The following CAST variants were observed in gnomAD, a reference collection of about 807,000 sequenced individuals.
CAST encodes the protein calpastatin.
In CAST, 76 loss-of-function variants were observed where a neutral mutation model predicts 119.6. That is an observed-to-expected ratio of 0.64 (90% CI 0.53 to 0.77). CAST has a LOEUF of 0.77. Ranked by LOEUF, CAST falls within the 30% of genes least tolerant of loss-of-function variation. The probability of loss-of-function intolerance (pLI) is 0.00; values close to 1 mark genes in which losing one functional copy is unlikely to be tolerated. For missense variants in CAST, 953 were observed against 946.5 expected, an observed-to-expected ratio of 1.01 and a Z score of -0.09; for synonymous variants, 319 against 331.6, an observed-to-expected ratio of 0.96 and a Z score of 0.41.
the CAST span, among the ~76,000 whole-genome samples, chr5:96,352,011 G>A: frequency 3.9e-5 from 6 of 152,212 alleles, no homozygotes; most frequent in South Asian, 1.2e-3. Context: ...CCTCTAGAGT[G>A]TACCTCACCA....
the CAST span, among the ~76,000 whole-genome samples, chr5:96,228,676 T>C: frequency 6.6e-6 from 1 of 152,214 alleles, no homozygotes; most frequent in African/African-American, 2.4e-5. Context: ...ATTGAAAGCC[T>C]TGATTTAACA....
At chr5:96,139,697 T>G in the CAST span, among the ~76,000 whole-genome samples, 1 of 151,876 alleles carries the variant, frequency 6.6e-6, no homozygotes, top group African/African-American at 2.4e-5. Context: ...GGCCAGGATA[T>G]AGCTCCATTT....
the CAST span, among the ~76,000 whole-genome samples, chr5:96,219,273 T>C: frequency 2.6e-5 from 4 of 152,218 alleles, no homozygotes; most frequent in African/African-American, 9.6e-5. Context: ...CTTATTTTTC[T>C]TCCCCATCTA....
intron 29 of CAST, 76 bp downstream of exon 29, chr5:96,768,075 T>C (rs1395879869): frequency 1.0e-6 from 1 of 952,714 alleles, no homozygotes; most frequent in East Asian, 2.5e-5. Context: ...TTTTATTTAT[T>C]GATTGATCTA....
chr5:96,014,763 C>A, the CAST span, among the ~76,000 whole-genome samples: 1 of 152,086 alleles, frequency 6.6e-6, no homozygotes, highest in Non-Finnish European at 1.5e-5. Flanking sequence ...GAGATGTATG[C>A]AGATGGGATT....
the CAST span, among the ~76,000 whole-genome samples, chr5:96,013,521 G>A: frequency 7.2e-5 from 11 of 151,782 alleles, no homozygotes; most frequent in East Asian, 9.7e-4. Flanking sequence ...TCTATCTTTC[G>A]CCATGATGTG....
intron 1 of CAST, among the ~76,000 whole-genome samples, chr5:96,639,313 G>T (rs183603372): frequency 6.6e-6 from 1 of 152,308 alleles, no homozygotes; most frequent in East Asian, 1.9e-4. Context: ...AGGATTCCAA[G>T]ATGGACTTCT....
chr5:96,064,169 T>TGGTA, the CAST span, among the ~76,000 whole-genome samples: 2 of 152,156 alleles, frequency 1.3e-5, no homozygotes, highest in Non-Finnish European at 2.9e-5. Flanking sequence ...AAGAGGTAAA[T>TGGTA]GGTAGCAAAG....
At chr5:96,203,369 A>T in the CAST span, among the ~76,000 whole-genome samples, 1 of 151,994 alleles carries the variant, frequency 6.6e-6, no homozygotes, top group East Asian at 1.9e-4. Flanking sequence ...AGCTTAGTTA[A>T]GTCTGTGGAT....
chr5:96,697,184 A>G (rs1753403823), intron 3 of CAST, among the ~76,000 whole-genome samples: 1 of 152,210 alleles, frequency 6.6e-6, no homozygotes, highest in African/African-American at 2.4e-5. Context: ...AGAAAAAAAA[A>G]GTTGTTACAT....
chr5:96,570,251 A>T (rs1357107362), intron 1 of CAST, among the ~76,000 whole-genome samples: 1 of 152,246 alleles, frequency 6.6e-6, no homozygotes, highest in Admixed American at 6.5e-5. Context: ...AAAGATTTAT[A>T]AAATGAGTTT....
chr5:96,232,914 A>T, the CAST span, among the ~76,000 whole-genome samples: 1 of 152,140 alleles, frequency 6.6e-6, no homozygotes, highest in Non-Finnish European at 1.5e-5. Context: ...CAAAGTGTAT[A>T]GCAATTCTAC....
At chr5:96,327,768 A>C in the CAST span, among the ~76,000 whole-genome samples, 1 of 152,204 alleles carries the variant, frequency 6.6e-6, no homozygotes, top group African/African-American at 2.4e-5. Flanking sequence ...AGAGCGATTC[A>C]ACAACTCACT....
chr5:96,381,678 T>C, the CAST span, among the ~76,000 whole-genome samples: 103 of 152,328 alleles, frequency 6.8e-4, 2 homozygotes, highest in East Asian at 0.018. Context: ...TGAGGTGCGC[T>C]GGTGAGTGCA....
intron 3 of CAST, among the ~76,000 whole-genome samples, chr5:96,719,722 T>C (rs1334172829): frequency 2.0e-5 from 3 of 152,238 alleles, no homozygotes; most frequent in Non-Finnish European, 2.9e-5. Context: ...ATGGTTGTGC[T>C]TTAAAATTGG....
At chr5:96,649,619 T>C (rs1400482940) in intron 1 of CAST, among the ~76,000 whole-genome samples, 1 of 152,226 alleles carries the variant, frequency 6.6e-6, no homozygotes, top group African/African-American at 2.4e-5. Flanking sequence ...ATAAGTCTGT[T>C]GAAAGAGTCA....
intron 1 of CAST, among the ~76,000 whole-genome samples, chr5:96,541,466 C>G (rs1483824857): frequency 6.6e-6 from 1 of 152,130 alleles, no homozygotes; most frequent in Admixed American, 6.5e-5. Flanking sequence ...CCCTGACCTC[C>G]TAAATGATGT....
rs142960971 is a variant in CAST at position 96,751,952 on chromosome 5, C to A, written c.1524+1270C>A. Reference sequence around the variant, plus strand: ...ACCCCACCAACTCTGGCCATGGTTGCCCAGGTTACTGTCACTGAGGCAGTT... The same window carrying A: ...ACCCCACCAACTCTGGCCATGGTTGACCAGGTTACTGTCACTGAGGCAGTT... On this transcript the variant is annotated intron_variant, in intron 20 of 31. Transcript: ENST00000675179. 3.6e-3 allele frequency among the ~76,000 whole-genome samples: 550 copies of A among 152,282 alleles called. 2 individuals carry two copies. The highest frequency in any genetic ancestry group is 0.013 in the African/African-American group (524 of 41,546).
chr5:95,999,923 C>T, the CAST span, among the ~76,000 whole-genome samples: 4 of 152,076 alleles, frequency 2.6e-5, no homozygotes, highest in Non-Finnish European at 4.4e-5. Flanking sequence ...TTGCTATTGT[C>T]GCCTTATTTA....
Sources: gnomAD v4.1 joint callset for allele counts (sites outside exome capture counted in the v4.1 genomes callset) on GRCh38, gnomAD v4.1.1 for gene constraint, MANE v1.5 for transcripts, NCBI Gene and HGNC (gene_info 2026-07-23, HGNC 2026-07-21) for gene names.